SLC25A26: variants seen among roughly 807,000 people sequenced by gnomAD.
SLC25A26 encodes mitochondrial S-adenosylmethionine carrier protein.
In SLC25A26, 36 loss-of-function variants were observed where a neutral mutation model predicts 37.8. That is an observed-to-expected ratio of 0.95 (90% confidence interval 0.73 to 1.26). SLC25A26 has a LOEUF of 1.26. Among genes scored for constraint, SLC25A26 ranks in the 50% most tolerant of loss-of-function variants. SLC25A26 has a pLI of 0.00. For synonymous variants in SLC25A26, 129 were observed against 122.5 expected, an observed-to-expected ratio of 1.05 and a Z score of -0.35; for missense variants, 390 against 331.1, an observed-to-expected ratio of 1.18 and a Z score of -1.38.
intron 6 of SLC25A26, among the ~76,000 whole-genome samples, chr3:66,357,535 G>A (rs332390): frequency 0.38 from 58,055 of 151,852 alleles, 12,969 homozygotes; most frequent in East Asian, 0.68. Context: ...TTGGTATACA[G>A]CCTCCTCCGT....
chr3:66,312,937 TC>T (rs942379338), intron 5 of SLC25A26, among the ~76,000 whole-genome samples: 4 of 152,166 alleles, frequency 2.6e-5, no homozygotes, highest in Admixed American at 2.6e-4. Context: ...TCGGAGCTGT[TC>T]CTATTCAGCC....
chr3:66,299,535 C>G (rs976778169), intron 5 of SLC25A26, among the ~76,000 whole-genome samples: 3 of 152,156 alleles, frequency 2.0e-5, no homozygotes, highest in African/African-American at 4.8e-5. Context: ...TATTTAACTA[C>G]TTGTAAAAAC....
intron 1 of SLC25A26, among the ~76,000 whole-genome samples, chr3:66,206,943 CG>C (rs2071187587): frequency 7.1e-6 from 1 of 140,388 alleles, no homozygotes. Flanking sequence ...TGTTGCCTGG[CG>C]GGGGAGGTGC....
chr3:66,287,940 G>C (rs2074569375), intron 5 of SLC25A26, among the ~76,000 whole-genome samples: 1 of 152,198 alleles, frequency 6.6e-6, no homozygotes, highest in African/African-American at 2.4e-5. Flanking sequence ...AACGTTTGCT[G>C]TAGTTTTGAG....
In SLC25A26 at chr3:66,349,489, T is replaced by A. The variant is rs115717017; in HGVS notation, c.498+3081T>A. Among the ~76,000 whole-genome samples the A allele has an allele frequency of 6.5e-3, 985 of 152,138 alleles. 12 individuals are homozygous for A. Among genetic ancestry groups the A allele is most frequent in the African/African-American group, 0.018 (766 of 41,508 alleles). ...CCATCTTGTGCTTTGCTTTTTTTTTTACTTAATGTAATATTTTTGAGATGC... is the reference window on the plus strand; with the variant it reads ...CCATCTTGTGCTTTGCTTTTTTTTTAACTTAATGTAATATTTTTGAGATGC... On this transcript the variant is annotated intron_variant, in intron 6 of 9. Transcript: ENST00000354883.
At chr3:66,263,169 T>C (rs1176526246) in intron 4 of SLC25A26, 163 bp from the exon 5 acceptor site, 1 of 154,256 alleles carries the variant, frequency 6.5e-6, no homozygotes, top group East Asian at 1.9e-4. Flanking sequence ...TAAGGTATAG[T>C]TATGTACCTT....
At chr3:66,301,999 A>G (rs2075088790) in intron 5 of SLC25A26, among the ~76,000 whole-genome samples, 1 of 152,184 alleles carries the variant, frequency 6.6e-6, no homozygotes, top group South Asian at 2.1e-4. Flanking sequence ...CAGTGCCTGA[A>G]ATACAGTCCT....
intron 5 of SLC25A26, among the ~76,000 whole-genome samples, chr3:66,327,817 A>G (rs1252731033): frequency 2.6e-5 from 4 of 151,594 alleles, no homozygotes; most frequent in Non-Finnish European, 4.4e-5. Context: ...CTTAGGACAG[A>G]TCTGTTTTTC....
At chr3:66,144,144 T>G (rs927292764) in intron 1 of SLC25A26, among the ~76,000 whole-genome samples, 3 of 152,100 alleles carry the variant, frequency 2.0e-5, no homozygotes, top group Non-Finnish European at 4.4e-5. Context: ...ATATTCAAGC[T>G]GAGACCTGAA....
intron 1 of SLC25A26, among the ~76,000 whole-genome samples, chr3:66,210,029 G>A (rs1423851149): frequency 2.1e-5 from 3 of 142,446 alleles, no homozygotes; most frequent in South Asian, 2.3e-4. Flanking sequence ...TAGGAGTTTC[G>A]GATGCCTATT....
chr3:66,301,354 T>C (rs2075070542), intron 5 of SLC25A26, among the ~76,000 whole-genome samples: 2 of 152,334 alleles, frequency 1.3e-5, no homozygotes, highest in Middle Eastern at 3.4e-3. Flanking sequence ...GCTGCCACAG[T>C]GTGTAGGACA....
chr3:66,272,303 G>A (rs2073986532), intron 5 of SLC25A26, among the ~76,000 whole-genome samples: 1 of 152,082 alleles, frequency 6.6e-6, no homozygotes, highest in Non-Finnish European at 1.5e-5. Flanking sequence ...AACCTTTATG[G>A]TGAGCTGTGT....
At chr3:66,313,782 C>T (rs1559688404) in intron 5 of SLC25A26, among the ~76,000 whole-genome samples, 1 of 152,076 alleles carries the variant, frequency 6.6e-6, no homozygotes. Context: ...TGTTTGTGTC[C>T]TCTCTGATTT....
At chr3:66,223,191 C>G (rs1472560498) in intron 1 of SLC25A26, among the ~76,000 whole-genome samples, 2 of 152,186 alleles carry the variant, frequency 1.3e-5, no homozygotes, top group Non-Finnish European at 2.9e-5. Flanking sequence ...TGGTGAACCT[C>G]TTAGATGGAG....
intron 1 of SLC25A26, among the ~76,000 whole-genome samples, chr3:66,181,444 C>T (rs1324046176): frequency 1.3e-5 from 2 of 152,138 alleles, no homozygotes; most frequent in Admixed American, 6.6e-5. Flanking sequence ...CAGAGCATGT[C>T]GTAGTTACTG....
chr3:66,135,851 A>G (rs1182727892), intron 1 of SLC25A26, among the ~76,000 whole-genome samples: 1 of 152,232 alleles, frequency 6.6e-6, no homozygotes, highest in African/African-American at 2.4e-5. Context: ...CTTTGGAATA[A>G]ATAAAAGAGA....
Position 66,334,341 on chromosome 3 carries a change from G to A in SLC25A26, c.454-12023G>A, listed in dbSNP as rs1262137880. Among the ~76,000 whole-genome samples, 11 of 152,134 alleles carry A rather than the reference G, an allele frequency of 7.2e-5. 1 individual carries two copies. Among genetic ancestry groups the A allele is most frequent in the Admixed American group, 6.5e-4 (10 of 15,284 alleles). On this transcript the variant is annotated intron_variant, in intron 5 of 9. Coordinates refer to ENST00000354883, the MANE Select transcript of SLC25A26 (RefSeq NM_001379210.1). The stretch of plus-strand genomic sequence containing the variant: ...TTGTTTTGTTTTGTTTTGAGACAGA[G>A]TCTTGCTCTGTCGCCCAGGCTGGAG...
chr3:66,295,340 CAGCCTCCTGAGTA>C (rs2074861478), intron 5 of SLC25A26, among the ~76,000 whole-genome samples: 1 of 152,004 alleles, frequency 6.6e-6, no homozygotes, highest in East Asian at 1.9e-4. Flanking sequence ...TCTCCTGCCT[CAGCCTCCTGAGTA>C]GCTGGGATTA....
intron 1 of SLC25A26, among the ~76,000 whole-genome samples, chr3:66,181,483 A>C (rs2070705195): frequency 6.6e-6 from 1 of 152,244 alleles, no homozygotes; most frequent in Non-Finnish European, 1.5e-5. Context: ...AATGCTAGCT[A>C]CGACACTGAG....
Sources: allele counts gnomAD v4.1 joint callset (sites outside exome capture counted in the v4.1 genomes callset), GRCh38; gene constraint gnomAD v4.1.1; transcripts MANE v1.5; gene names NCBI Gene and HGNC (gene_info 2026-07-23, HGNC 2026-07-21).